SLC41A2: variants seen among roughly 807,000 people sequenced by gnomAD.
SLC41A2 encodes the protein SLC41A1-like 1.
In SLC41A2, 32 loss-of-function variants were observed where a neutral mutation model predicts 58.3. That is an observed-to-expected ratio of 0.55 (90% confidence interval 0.41 to 0.74). The LOEUF (loss-of-function observed/expected upper bound fraction) is 0.74. SLC41A2 is among the 30% of genes least tolerant of loss of function. SLC41A2 has a pLI of 0.00. For missense variants in SLC41A2, 514 were observed against 680.6 expected (o/e 0.76, Z 2.72); for synonymous variants, 190 against 235.0 (o/e 0.81, Z 1.75).
At chr12:104,940,019 T>G (rs1008031832) in intron 1 of SLC41A2, among the ~76,000 whole-genome samples, 1 of 152,038 alleles carries the variant, frequency 6.6e-6, no homozygotes, top group Admixed American at 6.6e-5. Context: ...CTATTATTAT[T>G]ATTTTTTTTT....
chr12:104,838,226 A>G, intron 10 of SLC41A2, among the ~76,000 whole-genome samples: 1 of 152,156 alleles, frequency 6.6e-6, no homozygotes, highest in East Asian at 1.9e-4. Context: ...GAAATGGAAC[A>G]TTTTTGCTCT....
intron 1 of SLC41A2, among the ~76,000 whole-genome samples, chr12:104,939,176 A>C (rs1593178148): frequency 6.6e-6 from 1 of 152,182 alleles, no homozygotes; most frequent in Non-Finnish European, 1.5e-5. Context: ...GGAAAATAAG[A>C]CCAGACACTC....
chr12:104,817,912 G>C (rs1045387150), intron 10 of SLC41A2, among the ~76,000 whole-genome samples: 1 of 151,954 alleles, frequency 6.6e-6, no homozygotes, highest in Admixed American at 6.6e-5. Context: ...TATGTGGTCT[G>C]TTATTGACCA....
chr12:104,940,919 A>G (rs1335088581), intron 1 of SLC41A2, among the ~76,000 whole-genome samples: 2 of 139,740 alleles, frequency 1.4e-5, no homozygotes, highest in Non-Finnish European at 3.0e-5. Context: ...CGAGTGACAG[A>G]GCAAGACTCT....
chr12:104,930,207 A>AGACTCCAG (rs1211358900), intron 1 of SLC41A2, among the ~76,000 whole-genome samples: 2 of 63,502 alleles, frequency 3.1e-5, no homozygotes, highest in Admixed American at 1.6e-4. Flanking sequence ...TGGACTTGCA[A>AGACTCCAG]TGAGTAGATT....
chr12:104,805,370 C>A, intron 10 of SLC41A2, 33 bp from the exon 11 acceptor site: 2 of 1,579,006 alleles, frequency 1.3e-6, no homozygotes, highest in South Asian at 1.2e-5. Context: ...ACTCCGGCTG[C>A]CTGGACATTC....
chr12:104,876,200 T>C (rs185225112), intron 6 of SLC41A2, among the ~76,000 whole-genome samples: 2 of 152,262 alleles, frequency 1.3e-5, no homozygotes, highest in East Asian at 3.9e-4. Flanking sequence ...CACTCTTATA[T>C]GTTAGAAGAG....
chr12:104,895,187 CAT>C, intron 4 of SLC41A2, 85 bp downstream of exon 4: 1 of 892,694 alleles, frequency 1.1e-6, no homozygotes, highest in East Asian at 2.5e-5. Flanking sequence ...AGGGTAGACT[CAT>C]AGTACTAAAA....
chr12:104,923,271 A>G (rs1593149927), intron 2 of SLC41A2, among the ~76,000 whole-genome samples: 1 of 147,782 alleles, frequency 6.8e-6, no homozygotes, highest in African/African-American at 2.5e-5. Context: ...CTGAGGCAGG[A>G]GAATGGTGTG....
In SLC41A2 at chr12:104,852,061, A is replaced by G. The variant is rs558696527; in HGVS notation, c.1256-6087T>C. The G allele has an allele frequency of 2.0e-5, 3 of 152,388 alleles. No homozygotes were observed. In the South Asian group the frequency reaches 6.2e-4, roughly 32 times the overall value. The allele number at this position is 152,388 out of a possible 1,614,324, so 9.4% of individuals were successfully genotyped here. ...AAATGTCTCAGAAATTGAAAGCGGCAAGAGTATTTAACTACATAATGCAAG... is the reference window on the plus strand; with the variant it reads ...AAATGTCTCAGAAATTGAAAGCGGCGAGAGTATTTAACTACATAATGCAAG... On this transcript the variant is annotated intron_variant, in intron 8 of 10. Transcript: ENST00000258538.
At chr12:104,854,420 G>A (rs902071028) in intron 8 of SLC41A2, among the ~76,000 whole-genome samples, 5 of 152,050 alleles carry the variant, frequency 3.3e-5, no homozygotes, top group South Asian at 4.2e-4. Context: ...AAAATTAGCC[G>A]GGCGTGGCGG....
chr12:104,904,834 T>C (rs1396593365), intron 3 of SLC41A2, among the ~76,000 whole-genome samples: 1 of 152,126 alleles, frequency 6.6e-6, no homozygotes, highest in Admixed American at 6.5e-5. Context: ...CGGTGAGTGT[T>C]ACAGCTCATA....
chr12:104,933,839 T>C (rs1172426699), intron 1 of SLC41A2, among the ~76,000 whole-genome samples: 1 of 152,114 alleles, frequency 6.6e-6, no homozygotes, highest in African/African-American at 2.4e-5. Flanking sequence ...AACTACTGCA[T>C]GTTCTTAGTT....
At chr12:104,945,990 A>G (rs1354943278) in intron 1 of SLC41A2, among the ~76,000 whole-genome samples, 3 of 152,218 alleles carry the variant, frequency 2.0e-5, no homozygotes, top group Non-Finnish European at 4.4e-5. Context: ...CAAAACAAGT[A>G]TAAGAGTCAA....
At chr12:104,822,986 G>A (rs1344655404) in intron 10 of SLC41A2, among the ~76,000 whole-genome samples, 1 of 152,104 alleles carries the variant, frequency 6.6e-6, no homozygotes, top group African/African-American at 2.4e-5. Flanking sequence ...ACATGGGAGA[G>A]TCTAAAGTCA....
Position 104,805,353 on chromosome 12 carries a change from A to G in SLC41A2, c.1537-16T>C. 1 of 1,606,012 alleles carries G rather than the reference A, an allele frequency of 6.2e-7. No individual in the cohort carries two copies. Among genetic ancestry groups the G allele is most frequent in the Non-Finnish European group, 8.5e-7 (1 of 1,175,916 alleles). ...AGGTAAATACCTAGAAGAGAACAAC[A>G]GAGATTACTCCGGCTGCCTGGACAT... On this transcript the variant is annotated splice_polypyrimidine_tract_variant and intron_variant, in intron 10 of 10. Coordinates refer to ENST00000258538, the MANE Select transcript of SLC41A2 (RefSeq NM_001352171.3).
intron 2 of SLC41A2, among the ~76,000 whole-genome samples, chr12:104,918,389 A>G (rs1369706648): frequency 6.6e-6 from 1 of 152,118 alleles, no homozygotes; most frequent in African/African-American, 2.4e-5. Flanking sequence ...TGAGGCAATT[A>G]AAATCCCCTT....
At chr12:104,813,517 T>A (rs997941271) in intron 10 of SLC41A2, among the ~76,000 whole-genome samples, 11 of 152,068 alleles carry the variant, frequency 7.2e-5, no homozygotes, top group African/African-American at 2.7e-4. Context: ...TAGGGATAAA[T>A]AACAAAATAA....
intron 10 of SLC41A2, among the ~76,000 whole-genome samples, chr12:104,829,088 T>C (rs1289498342): frequency 6.6e-6 from 1 of 152,228 alleles, no homozygotes; most frequent in Non-Finnish European, 1.5e-5. Context: ...GAAAACATCT[T>C]GGCAGTTTCT....
Sources: gnomAD v4.1 joint callset for allele counts (sites outside exome capture counted in the v4.1 genomes callset) on GRCh38, gnomAD v4.1.1 for gene constraint, MANE v1.5 for transcripts, NCBI Gene and HGNC (gene_info 2026-07-23, HGNC 2026-07-21) for gene names.